Variants in CWC25 observed in about 807,000 individuals in gnomAD.
CWC25 encodes the protein CWC25 spliceosome associated protein.
Under a neutral mutation model 54.6 loss-of-function variants are expected in CWC25, and 31 were observed. That is an observed-to-expected ratio of 0.57 (90% CI 0.43 to 0.77). The LOEUF (loss-of-function observed/expected upper bound fraction) is 0.77, where lower values mean the gene tolerates loss of function less well. Among genes scored for constraint, CWC25 ranks in the 30% least tolerant of loss-of-function variants. The probability of loss-of-function intolerance (pLI) is 0.00; values close to 1 mark genes in which losing one functional copy is unlikely to be tolerated. For missense variants in CWC25, 453 were observed against 529.3 expected, an observed-to-expected ratio of 0.86 and a Z score of 1.41; for synonymous variants, 151 against 187.0, an observed-to-expected ratio of 0.81 and a Z score of 1.57.
At chr17:38,802,978 G>A (rs1911091718) in intron 8 of CWC25, 117 bp from the exon 9 acceptor site, 1 of 1,180,178 alleles carries the variant, frequency 8.5e-7, no homozygotes, top group Non-Finnish European at 1.2e-6. Flanking sequence ...CTCTCTCCAA[G>A]TGCAAGGCCA....
chr17:38,822,637 A>G (rs981355635), intron 1 of CWC25, among the ~76,000 whole-genome samples: 18 of 151,990 alleles, frequency 1.2e-4, no homozygotes, highest in Middle Eastern at 3.2e-3. Context: ...TGTGAAGGGG[A>G]GATGAGGGGG....
chr17:38,806,688 C>T (rs150437094), intron 7 of CWC25, 77 bp downstream of exon 7: 18 of 1,338,850 alleles, frequency 1.3e-5, no homozygotes, highest in Non-Finnish European at 1.7e-5. Flanking sequence ...ACGGACATCA[C>T]CAAAAGCAAA....
chr17:38,813,346 A>G (rs968716080), intron 3 of CWC25, among the ~76,000 whole-genome samples: 1 of 150,452 alleles, frequency 6.6e-6, no homozygotes, highest in African/African-American at 2.4e-5. Context: ...AGCAGCACGC[A>G]CCTGCAGTCC....
At position 38,810,483 on chromosome 17, in the gene CWC25, T is replaced by C. The variant is rs765752780; in HGVS notation, c.611A>G (p.Glu204Gly). ...SSSDRSSSED[E>G]HSAGRSQKKM... ...ACATGCTCACCTCCCTGCACTGTGC[T>C]CATCCTCGCTGCTGGAACGATCACT... Residue 204 changes from glutamate to glycine, a missense_variant, in exon 5 of 10, where the codon GAG (glutamate) becomes GGG (glycine). Transcript: ENST00000614790. The C allele has an allele frequency of 8.8e-6, 14 of 1,596,440 alleles. No individual in the cohort carries two copies. Among genetic ancestry groups the C allele is most frequent in the Middle Eastern group, 1.7e-4 (1 of 6,046 alleles).
At chr17:38,810,714 G>A (rs573512168) in intron 4 of CWC25, 119 bp from the exon 5 acceptor site, 51 of 677,520 alleles carry the variant, frequency 7.5e-5, no homozygotes, top group South Asian at 2.3e-4. Context: ...CTTGAGGTCC[G>A]GAGTTCGAGA....
At chr17:38,812,657 C>G in intron 4 of CWC25, 138 bp downstream of exon 4, 1 of 548,122 alleles carries the variant, frequency 1.8e-6, no homozygotes, top group Admixed American at 3.6e-5. Flanking sequence ...CATAAAATAG[C>G]CACAACATGG....
Position 38,802,042 on chromosome 17 carries a change from A to T in CWC25, c.*50T>A. The T allele has an allele frequency of 8.4e-7, 1 of 1,195,898 alleles. No homozygotes were observed. The highest frequency in any genetic ancestry group is 1.2e-6 in the Non-Finnish European group (1 of 810,334). The allele number at this position is 1,195,898 out of a possible 1,614,324, so 74.1% of individuals were successfully genotyped here. ...CTCTTATAAAGAGAATTAAGGGGTC[A>T]GCAGCTTCCCTGGAAAATGCAGGAA... On this transcript the variant is annotated 3_prime_UTR_variant, in exon 10 of 10. Transcript: ENST00000614790.
intron 1 of CWC25, among the ~76,000 whole-genome samples, chr17:38,823,004 A>AT (rs1057381863): frequency 6.4e-4 from 96 of 149,850 alleles, no homozygotes; most frequent in Non-Finnish European, 1.1e-3. Flanking sequence ...TGCCCAGCTA[A>AT]TTTTTTTTGT....
intron 3 of CWC25, among the ~76,000 whole-genome samples, chr17:38,813,290 C>T (rs1911562165): frequency 6.7e-6 from 1 of 148,858 alleles, no homozygotes; most frequent in Admixed American, 6.9e-5. Context: ...GGTGAAACCT[C>T]GTCTCTACCA....
In CWC25 at chr17:38,825,248, A is replaced by T; in HGVS notation, c.-65T>A. On this transcript the variant is annotated 5_prime_UTR_variant, in exon 1 of 10. Coordinates refer to ENST00000614790, the MANE Select transcript of CWC25 (RefSeq NM_017748.5). Reference sequence around the variant, plus strand: ...TTTCGGGAGGATCAAGAGAAAACGTAGAGAAATAGTTCGGGGGCTACCTCG... The same window carrying T: ...TTTCGGGAGGATCAAGAGAAAACGTTGAGAAATAGTTCGGGGGCTACCTCG... 2 of 1,528,556 alleles carry T rather than the reference A, an allele frequency of 1.3e-6. No individual in the cohort carries two copies. Among genetic ancestry groups the T allele is most frequent in the Non-Finnish European group, 1.8e-6 (2 of 1,131,144 alleles). The allele number at this position is 1,528,556 out of a possible 1,614,324, so 94.7% of individuals were successfully genotyped here.
At chr17:38,816,738 G>A (rs2143588107) in intron 2 of CWC25, among the ~76,000 whole-genome samples, 1 of 151,540 alleles carries the variant, frequency 6.6e-6, no homozygotes, top group Non-Finnish European at 1.5e-5. Context: ...AGGCTGGAGT[G>A]CAGTGGAGCG....
chr17:38,821,419 G>C (rs1043764497), intron 1 of CWC25, among the ~76,000 whole-genome samples: 2 of 152,188 alleles, frequency 1.3e-5, no homozygotes, highest in African/African-American at 4.8e-5. Context: ...TTAGCTGGGC[G>C]TGGTGGCAGG....
chr17:38,819,749 C>G (rs1911849683), intron 2 of CWC25, among the ~76,000 whole-genome samples: 2 of 151,894 alleles, frequency 1.3e-5, no homozygotes, highest in Admixed American at 6.6e-5. Flanking sequence ...GTGGCATGAT[C>G]TCAGCTCACT....
intron 9 of CWC25, 96 bp downstream of exon 9, chr17:38,802,604 G>T: frequency 7.0e-7 from 1 of 1,432,444 alleles, no homozygotes; most frequent in Non-Finnish European, 9.5e-7. Flanking sequence ...TGGGCTCCAT[G>T]TGCAAACACA....
chr17:38,815,985 C>A (rs1043562712), intron 2 of CWC25, among the ~76,000 whole-genome samples: 1 of 152,108 alleles, frequency 6.6e-6, no homozygotes, highest in Non-Finnish European at 1.5e-5. Context: ...CTGGGTTTCA[C>A]AAGTGAATAA....
At chr17:38,803,753 G>A (rs540645466) in intron 8 of CWC25, among the ~76,000 whole-genome samples, 10 of 148,786 alleles carry the variant, frequency 6.7e-5, no homozygotes, top group Non-Finnish European at 1.0e-4. Flanking sequence ...AAACAAAAAC[G>A]ATTGCCAGGC....
intron 7 of CWC25, 151 bp from the exon 8 acceptor site, chr17:38,806,546 A>T: frequency 1.3e-6 from 1 of 769,304 alleles, no homozygotes; most frequent in Non-Finnish European, 2.1e-6. Flanking sequence ...TGTTAGACTC[A>T]CCCCAGAGCT....
intron 1 of CWC25, 112 bp downstream of exon 1, chr17:38,825,054 G>C: frequency 8.9e-6 from 9 of 1,014,320 alleles, no homozygotes; most frequent in Non-Finnish European, 1.3e-5. Flanking sequence ...GCCTCCTCCC[G>C]GCGAAAGCAA....
chr17:38,801,880 T>G lies in CWC25; in HGVS notation c.*212A>C. 2 of 422,028 alleles carry G rather than the reference T, an allele frequency of 4.7e-6. No individual in the cohort carries two copies. Among genetic ancestry groups the G allele is most frequent in the Middle Eastern group, 6.0e-4 (1 of 1,658 alleles). 26.1% of individuals were successfully genotyped at this position (422,028 alleles called of 1,614,324 possible). A position where few individuals can be genotyped will look rare whatever the true frequency, so the allele number is the denominator to read the frequency against. On this transcript the variant is annotated 3_prime_UTR_variant, in exon 10 of 10. Transcript: ENST00000614790. Reference sequence around the variant, plus strand: ...GGTCCAGTGCCCACCCGTTAAAGAGTCAAAACCCAAAGTTACTGAGTGTCC... The same window carrying G: ...GGTCCAGTGCCCACCCGTTAAAGAGGCAAAACCCAAAGTTACTGAGTGTCC...
Sources: gnomAD v4.1 joint callset for allele counts (sites outside exome capture counted in the v4.1 genomes callset) on GRCh38, gnomAD v4.1.1 for gene constraint, MANE v1.5 for transcripts, NCBI Gene and HGNC (gene_info 2026-07-23, HGNC 2026-07-21) for gene names.